The following RHOBTB1 variants were observed in gnomAD, a reference collection of about 807,000 sequenced individuals.
RHOBTB1 encodes the protein rho-related BTB domain-containing protein 1.
Under a neutral mutation model 71.6 loss-of-function variants are expected in RHOBTB1, and 40 were observed. That is an observed-to-expected ratio of 0.56 (90% CI 0.43 to 0.73). The LOEUF is 0.73. Among genes scored for constraint, RHOBTB1 ranks in the 30% least tolerant of loss-of-function variants. The probability of loss-of-function intolerance (pLI) is 0.00; values close to 1 mark genes in which losing one functional copy is unlikely to be tolerated. For missense variants in RHOBTB1, 797 were observed against 894.0 expected (o/e 0.89, Z 1.38); for synonymous variants, 319 against 334.9 (o/e 0.95, Z 0.52).
chr10:60,919,039 C>A (rs1313579302), intron 2 of RHOBTB1, among the ~76,000 whole-genome samples: 1 of 152,166 alleles, frequency 6.6e-6, no homozygotes, highest in African/African-American at 2.4e-5. Context: ...AGCCAACATG[C>A]CTGGCCCTAT....
chr10:60,948,256 A>C (rs2085300721), upstream of RHOBTB1, among the ~76,000 whole-genome samples: 1 of 152,238 alleles, frequency 6.6e-6, no homozygotes, highest in South Asian at 2.1e-4. Flanking sequence ...CTACCATCCC[A>C]AGGGAACTCT....
chr10:60,978,889 C>T (rs2086401841), intron 2 of RHOBTB1, among the ~76,000 whole-genome samples: 1 of 152,046 alleles, frequency 6.6e-6, no homozygotes, highest in African/African-American at 2.4e-5. Flanking sequence ...TACTCACTTC[C>T]TTTTATAGAG....
chr10:60,987,690 C>T (rs1397506917), intron 1 of RHOBTB1, among the ~76,000 whole-genome samples: 1 of 152,114 alleles, frequency 6.6e-6, no homozygotes, highest in Non-Finnish European at 1.5e-5. Context: ...TCTCCCCTTG[C>T]TTGAAAACTT....
At chr10:60,939,004 G>A (rs2084755763) in intron 2 of RHOBTB1, among the ~76,000 whole-genome samples, 4 of 152,184 alleles carry the variant, frequency 2.6e-5, no homozygotes, top group East Asian at 1.9e-4. Context: ...ACAGAGAGAC[G>A]GAACCTGAGA....
At chr10:60,921,931 A>C (rs1418055054) in intron 2 of RHOBTB1, among the ~76,000 whole-genome samples, 1 of 152,208 alleles carries the variant, frequency 6.6e-6, no homozygotes, top group Admixed American at 6.5e-5. Context: ...ACCAGAGACC[A>C]AAGGCCACAC....
intron 9 of RHOBTB1, 59 bp downstream of exon 9, chr10:60,874,895 T>C (rs1454700771): frequency 1.7e-6 from 2 of 1,149,044 alleles, no homozygotes; most frequent in Non-Finnish European, 2.6e-6. Context: ...GAATGTTTTA[T>C]CAGCATTAAA....
chr10:60,901,441 T>C lies in RHOBTB1; in HGVS notation c.297-8446A>G, dbSNP rs138532356. Among the ~76,000 whole-genome samples, 241 of 152,348 alleles carry C rather than the reference T, an allele frequency of 1.6e-3. 3 individuals are homozygous for C. Among genetic ancestry groups the C allele is most frequent in the African/African-American group, 5.5e-3 (229 of 41,586 alleles). On this transcript the variant is annotated intron_variant, in intron 4 of 10. Transcript: ENST00000337910. ...AAAATCACTAAGAGTGTATCTTGTA[T>C]GTTGACTTTAATAAGAATGGCAGAA...
intron 7 of RHOBTB1, among the ~76,000 whole-genome samples, chr10:60,885,069 T>C (rs1589180396): frequency 1.3e-5 from 2 of 152,216 alleles, no homozygotes; most frequent in South Asian, 4.2e-4. Flanking sequence ...CAGTTGCATA[T>C]AGTCTAATGC....
chr10:60,919,173 T>A (rs1413987781), intron 2 of RHOBTB1, among the ~76,000 whole-genome samples: 1 of 152,220 alleles, frequency 6.6e-6, no homozygotes, highest in East Asian at 1.9e-4. Context: ...ATGATGCTAT[T>A]GCACGGACAC....
chr10:60,990,547 T>C (rs546672450), intron 1 of RHOBTB1, among the ~76,000 whole-genome samples: 2 of 152,334 alleles, frequency 1.3e-5, no homozygotes, highest in East Asian at 3.9e-4. Flanking sequence ...GTATTCTCCA[T>C]CCGTGCTCAA....
chr10:60,906,632 C>G (rs762692456), intron 4 of RHOBTB1, among the ~76,000 whole-genome samples: 3 of 152,120 alleles, frequency 2.0e-5, no homozygotes, highest in Non-Finnish European at 2.9e-5. Flanking sequence ...ATTTTGCAGG[C>G]TCACCACAAG....
At chr10:60,962,447 G>A (rs2085815182) in intron 2 of RHOBTB1, among the ~76,000 whole-genome samples, 1 of 152,094 alleles carries the variant, frequency 6.6e-6, no homozygotes, top group Non-Finnish European at 1.5e-5. Flanking sequence ...AATTGCAAAT[G>A]CAAAATAAAG....
rs2081128661 is a variant in RHOBTB1 at position 60,878,073 on chromosome 10, A to G, written c.1576-15T>C. The G allele has an allele frequency of 6.2e-7, 1 of 1,605,608 alleles. No homozygotes were observed. The highest frequency in any genetic ancestry group is 1.3e-5 in the African/African-American group (1 of 74,602). Reference sequence around the variant, plus strand: ...GGGAGATACACCTGAAATGTTATACAAAAAGCTAAATTCTGCTGCAGAAAG... The same window carrying G: ...GGGAGATACACCTGAAATGTTATACGAAAAGCTAAATTCTGCTGCAGAAAG... On this transcript the variant is annotated splice_polypyrimidine_tract_variant and intron_variant, in intron 7 of 10. Coordinates refer to ENST00000337910, the MANE Select transcript of RHOBTB1 (RefSeq NM_014836.5).
intron 4 of RHOBTB1, among the ~76,000 whole-genome samples, chr10:60,903,995 C>T (rs1162359212): frequency 6.6e-6 from 1 of 151,866 alleles, no homozygotes; most frequent in African/African-American, 2.4e-5. Flanking sequence ...CAGGGTCTTG[C>T]TCTGTTTCCC....
chr10:60,876,324 T>C (rs2081051421), intron 8 of RHOBTB1, among the ~76,000 whole-genome samples: 1 of 152,158 alleles, frequency 6.6e-6, no homozygotes, highest in Non-Finnish European at 1.5e-5. Flanking sequence ...ATCATAACAG[T>C]AATAATAGCA....
chr10:60,944,679 A>G (rs1041306954), upstream of RHOBTB1, among the ~76,000 whole-genome samples: 1 of 152,112 alleles, frequency 6.6e-6, no homozygotes, highest in Non-Finnish European at 1.5e-5. Flanking sequence ...TCTTCCCCCT[A>G]GGAGCTGACC....
downstream of RHOBTB1, among the ~76,000 whole-genome samples, chr10:60,867,007 T>C (rs143544313): frequency 2.0e-3 from 311 of 152,272 alleles, 2 homozygotes; most frequent in African/African-American, 7.1e-3. Flanking sequence ...GCACACAGGT[T>C]CCATTTCATT....
At chr10:60,982,539 G>A (rs1046178492) in intron 2 of RHOBTB1, among the ~76,000 whole-genome samples, 1 of 151,998 alleles carries the variant, frequency 6.6e-6, no homozygotes, top group Non-Finnish European at 1.5e-5. Flanking sequence ...ATGCATCTAG[G>A]GATATTAGCA....
chr10:60,973,873 C>A (rs553440800), intron 2 of RHOBTB1, among the ~76,000 whole-genome samples: 2 of 152,108 alleles, frequency 1.3e-5, no homozygotes, highest in East Asian at 3.9e-4. Context: ...GTAGGTGATA[C>A]AATTTTATCT....
Sources: allele counts gnomAD v4.1 joint callset (sites outside exome capture counted in the v4.1 genomes callset), GRCh38; gene constraint gnomAD v4.1.1; transcripts MANE v1.5; gene names NCBI Gene and HGNC (gene_info 2026-07-23, HGNC 2026-07-21).